RMND5A: variants seen among roughly 807,000 people sequenced by gnomAD.
The protein encoded by RMND5A is required for meiotic nuclear division 5 homolog A.
A neutral mutation model predicts 49.7 loss-of-function variants in RMND5A; 17 were observed. The ratio of observed to expected loss-of-function variants is 0.34; its 90% CI spans 0.23 to 0.51. The LOEUF is 0.51. Ranked by LOEUF, RMND5A falls within the 20% of genes least tolerant of loss-of-function variation. The pLI, the probability that RMND5A is intolerant of heterozygous loss-of-function variation, is 0.96. For synonymous variants in RMND5A, 156 were observed against 167.7 expected (o/e 0.93, Z 0.54); for missense variants, 255 against 471.3 (o/e 0.54, Z 4.25).
intron 2 of RMND5A, among the ~76,000 whole-genome samples, chr2:86,746,796 G>C (rs1681544540): frequency 6.6e-6 from 1 of 152,198 alleles, no homozygotes; most frequent in African/African-American, 2.4e-5. Flanking sequence ...TGACAGAAAG[G>C]CCTGGCAGAG....
intron 2 of RMND5A, among the ~76,000 whole-genome samples, chr2:86,748,703 A>G (rs1681581048): frequency 6.6e-6 from 1 of 152,202 alleles, no homozygotes; most frequent in Admixed American, 6.5e-5. Context: ...ATTTTGTTTG[A>G]TCTGAGCAAG....
Position 86,765,846 on chromosome 2 carries a change from G to A in RMND5A, c.689-13G>A. ...CAAGCAAACTAATGCTTTCTTGCTG[G>A]TGCTTTTTTTAGACATTCAGGTTTT... On this transcript the variant is annotated splice_polypyrimidine_tract_variant and intron_variant, in intron 5 of 8. Coordinates refer to ENST00000283632, the MANE Select transcript of RMND5A (RefSeq NM_022780.4). 6.2e-7 allele frequency: 1 copy of A among 1,612,174 alleles called. No homozygotes were observed.
At chr2:86,746,359 G>A (rs1681537869) in intron 2 of RMND5A, among the ~76,000 whole-genome samples, 1 of 152,184 alleles carries the variant, frequency 6.6e-6, no homozygotes, top group Non-Finnish European at 1.5e-5. Flanking sequence ...GTGGCAACCT[G>A]GCCCTCAGAT....
At chr2:86,751,088 T>G (rs192574146) in intron 2 of RMND5A, among the ~76,000 whole-genome samples, 143 of 152,334 alleles carry the variant, frequency 9.4e-4, no homozygotes, top group Non-Finnish European at 1.4e-3. Flanking sequence ...TTGCAGTATC[T>G]TGAACATTTT....
At chr2:86,729,274 G>T (rs1195779197) in intron 1 of RMND5A, among the ~76,000 whole-genome samples, 1 of 152,086 alleles carries the variant, frequency 6.6e-6, no homozygotes, top group South Asian at 2.1e-4. Context: ...GTATAACAGT[G>T]CTTCTGGTGA....
intron 1 of RMND5A, among the ~76,000 whole-genome samples, chr2:86,736,460 A>G (rs2104387741): frequency 2.5e-5 from 2 of 81,356 alleles, no homozygotes; most frequent in Non-Finnish European, 5.3e-5. Flanking sequence ...CTTGTATTAC[A>G]GGCTTGAACC....
In RMND5A at chr2:86,751,983, C is replaced by T; in HGVS notation, c.373C>T (p.His125Tyr). Residue 125 changes from histidine to tyrosine, a missense_variant, in exon 3 of 9, where the codon CAC becomes TAC. His to Tyr is a moderately conservative substitution (Grantham distance 83). Transcript: ENST00000283632. ...QRLLNEVMVEHFFRQGMLDVA... is the reference protein window; with the variant it reads ...QRLLNEVMVEYFFRQGMLDVA... ...GCTTCTCAATGAGGTGATGGTGGAG[C>T]ACTTCTTTCGACAAGGAATGCTGGA... 3 of 1,613,878 alleles carry T rather than the reference C, an allele frequency of 1.9e-6. No individual in the cohort carries two copies. Among genetic ancestry groups the T allele is most frequent in the Non-Finnish European group, 2.5e-6 (3 of 1,179,928 alleles).
chr2:86,768,935 AT>A (rs1436791208), intron 6 of RMND5A, among the ~76,000 whole-genome samples: 1 of 152,208 alleles, frequency 6.6e-6, no homozygotes, highest in African/African-American at 2.4e-5. Flanking sequence ...ATGTAAGATT[AT>A]TATGAAATTC....
At chr2:86,755,919 A>G (rs1681729414) in intron 4 of RMND5A, among the ~76,000 whole-genome samples, 1 of 152,138 alleles carries the variant, frequency 6.6e-6, no homozygotes, top group Non-Finnish European at 1.5e-5. Flanking sequence ...CATCGTTCTA[A>G]GCATTTTACG....
At chr2:86,766,075 T>C (rs779116352) in intron 6 of RMND5A, 51 bp downstream of exon 6, 8 of 1,456,308 alleles carry the variant, frequency 5.5e-6, no homozygotes, top group Non-Finnish European at 7.4e-6. Context: ...CATTATCACC[T>C]TCCCTTAACT....
At chr2:86,759,910 G>T (rs558741214) in intron 4 of RMND5A, among the ~76,000 whole-genome samples, 1 of 152,156 alleles carries the variant, frequency 6.6e-6, no homozygotes, top group Non-Finnish European at 1.5e-5. Context: ...AGATTTATGA[G>T]AATGGGCCAC....
At position 86,776,451 on chromosome 2, in the gene RMND5A, C is replaced by G. The variant is rs1672770342; in HGVS notation, c.*3040C>G. 6.6e-6 allele frequency: 1 copy of G among 152,192 alleles called. No homozygotes were observed. The highest frequency in any genetic ancestry group is 2.4e-5 in the African/African-American group (1 of 41,434). The allele number at this position is 152,192 out of a possible 1,614,324, so 9.4% of individuals were successfully genotyped here. A position where few individuals can be genotyped will look rare whatever the true frequency, so the allele number is the denominator to read the frequency against. On this transcript the variant is annotated 3_prime_UTR_variant, in exon 9 of 9. Coordinates refer to ENST00000283632, the MANE Select transcript of RMND5A (RefSeq NM_022780.4). ...CTGTAGCAGCTAATGCATAGAGACA[C>G]TAAAACCCACACCACATTTTGTGGG...
chr2:86,751,878 T>C lies in RMND5A; in HGVS notation c.286-18T>C. The C allele has an allele frequency of 6.2e-7, 1 of 1,608,126 alleles. No homozygotes were observed. The highest frequency in any genetic ancestry group is 8.5e-7 in the Non-Finnish European group (1 of 1,176,346). ...AAAATAATCTATTTATGATTCCCTT[T>C]CTCTTTCTTTTCCCCAGAATTTTGA... On this transcript the variant is annotated intron_variant, in intron 2 of 8. Coordinates refer to ENST00000283632, the MANE Select transcript of RMND5A (RefSeq NM_022780.4).
At chr2:86,750,133 G>T (rs914561792) in intron 2 of RMND5A, among the ~76,000 whole-genome samples, 4 of 152,202 alleles carry the variant, frequency 2.6e-5, no homozygotes, top group African/African-American at 9.6e-5. Flanking sequence ...ATTTATTAGG[G>T]AGCAATGCCT....
At chr2:86,771,861 T>C (rs917701826) in intron 8 of RMND5A, 149 bp downstream of exon 8, 17 of 649,708 alleles carry the variant, frequency 2.6e-5, no homozygotes, top group Non-Finnish European at 3.6e-5. Flanking sequence ...GTTGGTGGTA[T>C]CTGATTTGAG....
Position 86,771,569 on chromosome 2 carries a change from C to T in RMND5A, c.969C>T (p.Asp323=), listed in dbSNP as rs746254714. The change falls in exon 8 of 9, where the codon GAC becomes GAT. Residue 323 remains aspartate (D), a synonymous_variant. Transcript: ENST00000283632. ...TTTTTTTTTAACAGATTGAAGTGGA[C>T]CTTGGTAAAAAGTGCTGGTATCACT... ...NQKDELPIEV[D]LGKKCWYHSI... is the part of the protein sequence containing the mutation. The T allele has an allele frequency of 6.2e-7, 1 of 1,600,670 alleles. No homozygotes were observed. The highest frequency in any genetic ancestry group is 8.5e-7 in the Non-Finnish European group (1 of 1,174,800).
intron 3 of RMND5A, among the ~76,000 whole-genome samples, chr2:86,752,370 A>G (rs7596943): frequency 0.7 from 105,967 of 152,132 alleles, 37,169 homozygotes; most frequent in East Asian, 0.91. Context: ...GGAAAGGGAC[A>G]AAAACATTGA....
intron 8 of RMND5A, 26 bp downstream of exon 8, chr2:86,771,738 T>C: frequency 6.3e-7 from 1 of 1,581,752 alleles, no homozygotes; most frequent in South Asian, 1.1e-5. Context: ...TTAAAAAATG[T>C]TAGCAAATAA....
chr2:86,756,627 T>C (rs140288665), intron 4 of RMND5A, among the ~76,000 whole-genome samples: 139 of 152,336 alleles, frequency 9.1e-4, no homozygotes, highest in African/African-American at 3.2e-3. Context: ...AGATACTGAC[T>C]AAGCATCTTT....
Sources: allele counts gnomAD v4.1 joint callset (sites outside exome capture counted in the v4.1 genomes callset), GRCh38; gene constraint gnomAD v4.1.1; transcripts MANE v1.5; gene names NCBI Gene and HGNC (gene_info 2026-07-23, HGNC 2026-07-21).